Variants in RGS9 observed in about 807,000 individuals in gnomAD.
RGS9 encodes regulator of G protein signaling 9.
Under a neutral mutation model 102.0 loss-of-function variants are expected in RGS9, and 78 were observed. The observed-to-expected ratio is 0.76, with a 90% confidence interval of 0.64 to 0.92. RGS9 has a LOEUF of 0.92. RGS9 is among the 40% of genes least tolerant of loss of function. The pLI, the probability that RGS9 is intolerant of heterozygous loss-of-function variation, is 0.00. For missense variants in RGS9, 833 were observed against 866.1 expected (o/e 0.96, Z 0.48); for synonymous variants, 353 against 318.6 (o/e 1.11, Z -1.15).
intron 1 of RGS9, among the ~76,000 whole-genome samples, chr17:65,141,990 C>T (rs1350624485): frequency 6.6e-6 from 1 of 152,316 alleles, no homozygotes; most frequent in Non-Finnish European, 1.5e-5. Context: ...GGTGCAGTGG[C>T]ACATGCCTGT....
chr17:65,151,679 G>C (rs1416700852), intron 1 of RGS9, among the ~76,000 whole-genome samples: 1 of 152,216 alleles, frequency 6.6e-6, no homozygotes, highest in African/African-American at 2.4e-5. Context: ...TCCAGAAGTG[G>C]CTTCTTCTTT....
chr17:65,208,475 C>T (rs1030817576), intron 16 of RGS9, among the ~76,000 whole-genome samples: 3 of 152,078 alleles, frequency 2.0e-5, no homozygotes, highest in East Asian at 1.9e-4. Context: ...TTGCTGCCTC[C>T]GGGGACCATG....
chr17:65,193,975 C>G (rs1293240164), intron 12 of RGS9, among the ~76,000 whole-genome samples: 1 of 152,142 alleles, frequency 6.6e-6, no homozygotes, highest in East Asian at 1.9e-4. Flanking sequence ...AGAAGAGGAA[C>G]TGATTTTGTC....
chr17:65,174,922 C>G (rs1041748784), intron 8 of RGS9, among the ~76,000 whole-genome samples: 1 of 152,096 alleles, frequency 6.6e-6, no homozygotes, highest in Non-Finnish European at 1.5e-5. Context: ...CTTATAAAAC[C>G]ATCAGATCTC....
intron 8 of RGS9, among the ~76,000 whole-genome samples, chr17:65,172,789 G>C (rs1195677288): frequency 6.6e-6 from 1 of 152,150 alleles, no homozygotes; most frequent in Non-Finnish European, 1.5e-5. Flanking sequence ...CCGGTTGGGG[G>C]TCAGGGAACA....
At chr17:65,166,564 AT>A (rs1911187705) in intron 7 of RGS9, among the ~76,000 whole-genome samples, 1 of 152,218 alleles carries the variant, frequency 6.6e-6, no homozygotes, top group Non-Finnish European at 1.5e-5. Context: ...AATTAAGCAA[AT>A]GCTGTTGCTG....
intron 2 of RGS9, among the ~76,000 whole-genome samples, chr17:65,154,440 C>G (rs1445835841): frequency 6.6e-6 from 1 of 152,178 alleles, no homozygotes; most frequent in Non-Finnish European, 1.5e-5. Context: ...CCATTCCTCC[C>G]AGAAGGTCAT....
At chr17:65,157,113 A>C (rs1421719440) in intron 2 of RGS9, among the ~76,000 whole-genome samples, 3 of 146,116 alleles carry the variant, frequency 2.1e-5, no homozygotes, top group African/African-American at 7.9e-5. Flanking sequence ...ATCATTGGCA[A>C]TTATCCAGAC....
intron 8 of RGS9, among the ~76,000 whole-genome samples, chr17:65,177,001 C>T (rs943084628): frequency 3.3e-5 from 5 of 150,534 alleles, no homozygotes; most frequent in Non-Finnish European, 7.4e-5. Context: ...TACACCATTC[C>T]ATTCCTTCAT....
intron 8 of RGS9, among the ~76,000 whole-genome samples, chr17:65,172,228 G>GT (rs1052464837): frequency 8.5e-5 from 13 of 152,260 alleles, no homozygotes; most frequent in African/African-American, 3.1e-4. Context: ...TTTTTTGTTT[G>GT]TTTTTGAGAC....
At chr17:65,219,500 G>A (rs1320183000) in intron 17 of RGS9, among the ~76,000 whole-genome samples, 4 of 152,172 alleles carry the variant, frequency 2.6e-5, no homozygotes, top group African/African-American at 4.8e-5. Context: ...CTATTATGCC[G>A]TGTCCTTAGA....
At chr17:65,215,696 G>A (rs1913502128) in intron 17 of RGS9, among the ~76,000 whole-genome samples, 1 of 119,972 alleles carries the variant, frequency 8.3e-6, no homozygotes. Flanking sequence ...CAGTAGCTGG[G>A]ATTACAGGCA....
intron 2 of RGS9, among the ~76,000 whole-genome samples, chr17:65,155,879 A>C (rs1221054924): frequency 6.6e-6 from 1 of 152,202 alleles, no homozygotes; most frequent in Non-Finnish European, 1.5e-5. Flanking sequence ...TTAAGGGTAG[A>C]TATGACTGCC....
At chr17:65,138,683 A>G (rs564627095) in intron 1 of RGS9, among the ~76,000 whole-genome samples, 2 of 152,180 alleles carry the variant, frequency 1.3e-5, no homozygotes, top group African/African-American at 4.8e-5. Context: ...CAGTTACTAA[A>G]AGCAGAAGAA....
At chr17:65,174,871 G>T (rs1349365480) in intron 8 of RGS9, among the ~76,000 whole-genome samples, 1 of 152,136 alleles carries the variant, frequency 6.6e-6, no homozygotes, top group Non-Finnish European at 1.5e-5. Context: ...CATGGTGGCA[G>T]GCGAGAGAGA....
chr17:65,202,017 C>G lies in RGS9; in HGVS notation c.1001C>G (p.Ala334Gly), dbSNP rs778287316. The change falls in exon 14 of 19, where the codon GCC becomes GGC. Residue 334 changes from alanine to glycine, a missense_variant. By Grantham distance (60) the Ala-to-Gly change is moderately conservative. Transcript: ENST00000262406. ...GGAGAGAATCTGGGATTCTGGGAAG[C>G]CTGCGAGGATCTGAAGTATGGAGAT... is the stretch of plus-strand genomic sequence containing the variant. The part of the protein sequence containing the change: ...FSGENLGFWE[A>G]CEDLKYGDQS... The G allele has an allele frequency of 1.2e-6, 2 of 1,613,410 alleles. No homozygotes were observed. The highest frequency in any genetic ancestry group is 1.3e-5 in the African/African-American group (1 of 74,854).
chr17:65,216,687 T>G (rs1412978672), intron 17 of RGS9, among the ~76,000 whole-genome samples: 1 of 152,144 alleles, frequency 6.6e-6, no homozygotes, highest in Non-Finnish European at 1.5e-5. Flanking sequence ...TACTCCTAAG[T>G]CCCAACACGA....
rs1567868965 is a variant in RGS9, at chr17:65,168,170, TGGCCTTACACGTG to T, written c.501-28_501-16del. The stretch of plus-strand genomic sequence containing the variant: ...CTAATCAAAAGACACAAAGTCTTCC[TGGCCTTACACGTG>T]GCTTTTGGCTTTCCAGGGCTGGAAA... On this transcript the variant is annotated splice_polypyrimidine_tract_variant and intron_variant, in intron 7 of 18. Transcript: ENST00000262406. 3 of 1,518,878 alleles carry T rather than the reference TGGCCTTACACGTG, an allele frequency of 2.0e-6. No homozygotes were observed. The Admixed American group carries it at 5.2e-5, about 27-fold the overall frequency. 94.1% of individuals were successfully genotyped at this position (1,518,878 alleles called of 1,614,324 possible).
intron 1 of RGS9, among the ~76,000 whole-genome samples, chr17:65,142,336 T>G (rs1910188601): frequency 6.6e-6 from 1 of 152,238 alleles, no homozygotes. Context: ...CAGAGTTTGA[T>G]GGCTTCTGTG....
Sources: allele counts gnomAD v4.1 joint callset (sites outside exome capture counted in the v4.1 genomes callset), GRCh38; gene constraint gnomAD v4.1.1; transcripts MANE v1.5; gene names NCBI Gene and HGNC (gene_info 2026-07-23, HGNC 2026-07-21).